SAMD12: variants seen among roughly 807,000 people sequenced by gnomAD.
SAMD12 encodes sterile alpha motif domain containing 12.
SAMD12 carries 9 observed loss-of-function variants against 15.0 expected under a neutral mutation model. That is an observed-to-expected ratio of 0.60 (90% confidence interval 0.36 to 1.05). SAMD12 has a LOEUF of 1.05. Among genes scored for constraint, SAMD12 ranks in the 50% least tolerant of loss-of-function variants. SAMD12 has a pLI of 0.01. For synonymous variants in SAMD12, 86 were observed against 90.1 expected (o/e 0.96, Z 0.25); for missense variants, 230 against 234.2 (o/e 0.98, Z 0.12).
intron 4 of SAMD12, among the ~76,000 whole-genome samples, chr8:118,364,833 T>C (rs1818687016): frequency 6.6e-6 from 1 of 152,124 alleles, no homozygotes; most frequent in Non-Finnish European, 1.5e-5. Flanking sequence ...TACCATGGGT[T>C]GTCTAGTCTC....
intron 4 of SAMD12, among the ~76,000 whole-genome samples, chr8:118,296,399 T>C (rs1230217274): frequency 1.3e-5 from 2 of 152,226 alleles, no homozygotes; most frequent in African/African-American, 2.4e-5. Flanking sequence ...AAAGGAAGCC[T>C]TTCTTGATCA....
downstream of SAMD12, among the ~76,000 whole-genome samples, chr8:118,187,187 T>C (rs962590237): frequency 5.3e-5 from 8 of 152,198 alleles, no homozygotes; most frequent in Admixed American, 1.3e-4. Context: ...ATTCTCATGA[T>C]CTAGTCCCAC....
chr8:118,620,875 A>G (rs1296977835), intron 1 of SAMD12: 1 of 152,242 alleles, frequency 6.6e-6, no homozygotes, highest in African/African-American at 2.4e-5. Context: ...CTGCAGGTGA[A>G]TGTAGGCTCC....
At chr8:118,395,932 CAA>C (rs34761474) in intron 3 of SAMD12, among the ~76,000 whole-genome samples, 81 of 129,204 alleles carry the variant, frequency 6.3e-4, no homozygotes, top group Middle Eastern at 4.3e-3. Flanking sequence ...GACTCCATCT[CAA>C]AAAAAAAAAA....
At chr8:118,402,616 G>C (rs1820922416) in intron 3 of SAMD12, among the ~76,000 whole-genome samples, 1 of 152,178 alleles carries the variant, frequency 6.6e-6, no homozygotes, top group African/African-American at 2.4e-5. Flanking sequence ...TTAACCCTTA[G>C]AGATTCCTGG....
chr8:118,170,061 A>G, the SAMD12 span, among the ~76,000 whole-genome samples: 1 of 152,198 alleles, frequency 6.6e-6, no homozygotes, highest in Non-Finnish European at 1.5e-5. Context: ...TTATTAGGCA[A>G]TATCTATAAA....
chr8:118,418,442 G>T (rs1821824502), intron 3 of SAMD12, among the ~76,000 whole-genome samples: 1 of 152,180 alleles, frequency 6.6e-6, no homozygotes, highest in African/African-American at 2.4e-5. Flanking sequence ...CAGGCCAGGC[G>T]CCATGGCTCA....
At chr8:118,243,565 G>A (rs146039532) in intron 4 of SAMD12, among the ~76,000 whole-genome samples, 11 of 152,152 alleles carry the variant, frequency 7.2e-5, no homozygotes, top group Admixed American at 3.9e-4. Context: ...GTGCTGGCAC[G>A]GGATATAACT....
At chr8:118,557,885 A>C (rs1215144716) in intron 2 of SAMD12, among the ~76,000 whole-genome samples, 1 of 152,126 alleles carries the variant, frequency 6.6e-6, no homozygotes, top group Non-Finnish European at 1.5e-5. Context: ...CATAAATATA[A>C]TGTTTCATAT....
intron 4 of SAMD12, among the ~76,000 whole-genome samples, chr8:118,208,298 T>C (rs1162897278): frequency 6.6e-6 from 1 of 152,198 alleles, no homozygotes; most frequent in East Asian, 1.9e-4. Context: ...AAAGTATTAA[T>C]GAATAATCCT....
At chr8:118,404,887 C>A (rs997952743) in intron 3 of SAMD12, among the ~76,000 whole-genome samples, 26 of 152,200 alleles carry the variant, frequency 1.7e-4, no homozygotes, top group African/African-American at 6.3e-4. Context: ...GTCTTGAACT[C>A]CTGGGCTCAA....
At chr8:118,417,776 T>C (rs1821777686) in intron 3 of SAMD12, among the ~76,000 whole-genome samples, 1 of 152,186 alleles carries the variant, frequency 6.6e-6, no homozygotes, top group African/African-American at 2.4e-5. Context: ...GAAACAAAAT[T>C]AGATAAATTA....
chr8:118,264,261 G>A (rs1370004058), intron 4 of SAMD12, among the ~76,000 whole-genome samples: 3 of 152,058 alleles, frequency 2.0e-5, no homozygotes, highest in African/African-American at 7.2e-5. Flanking sequence ...ACCTCTCTCT[G>A]TCCTTCCCAA....
At chr8:118,533,488 A>G (rs1204198241) in intron 2 of SAMD12, among the ~76,000 whole-genome samples, 1 of 152,132 alleles carries the variant, frequency 6.6e-6, no homozygotes, top group Non-Finnish European at 1.5e-5. Context: ...CAGTTCCTGG[A>G]CATCCTTATT....
intron 4 of SAMD12, among the ~76,000 whole-genome samples, chr8:118,288,507 C>A (rs1563735875): frequency 6.6e-6 from 1 of 152,164 alleles, no homozygotes; most frequent in Non-Finnish European, 1.5e-5. Flanking sequence ...TCTAAGGCAG[C>A]AATTTCAGAT....
intron 2 of SAMD12, among the ~76,000 whole-genome samples, chr8:118,516,259 T>G (rs756952747): frequency 6.6e-6 from 1 of 152,280 alleles, no homozygotes; most frequent in Non-Finnish European, 1.5e-5. Flanking sequence ...GTATTACTTA[T>G]ACAGTTTATA....
At chr8:118,139,591 C>A in the SAMD12 span, among the ~76,000 whole-genome samples, 2 of 152,164 alleles carry the variant, frequency 1.3e-5, no homozygotes, top group South Asian at 2.1e-4. Context: ...CTCCTGGCCT[C>A]AAGTGATCTT....
chr8:118,408,062 T>C (rs1563836859), intron 3 of SAMD12, among the ~76,000 whole-genome samples: 1 of 152,186 alleles, frequency 6.6e-6, no homozygotes, highest in Non-Finnish European at 1.5e-5. Flanking sequence ...TTTCACTGTA[T>C]ACACACTCAA....
intron 1 of SAMD12, among the ~76,000 whole-genome samples, 154 bp from the exon 2 acceptor site, chr8:118,581,047 G>A (rs1827285361): frequency 6.6e-6 from 1 of 152,120 alleles, no homozygotes; most frequent in Non-Finnish European, 1.5e-5. Context: ...TGGTGAGGAG[G>A]GAGCACGGTA....
Sources: allele counts gnomAD v4.1 joint callset (sites outside exome capture counted in the v4.1 genomes callset), GRCh38; gene constraint gnomAD v4.1.1; transcripts MANE v1.5; gene names NCBI Gene and HGNC (gene_info 2026-07-23, HGNC 2026-07-21).